The following SAMD3 variants were observed in gnomAD, a reference collection of about 807,000 sequenced individuals.
SAMD3 encodes sterile alpha motif domain-containing protein 3.
SAMD3 carries 63 observed loss-of-function variants against 58.5 expected under a neutral mutation model. That is an observed-to-expected ratio of 1.08 (90% CI 0.88 to 1.33). SAMD3 has a LOEUF of 1.33. Among genes scored for constraint, SAMD3 ranks in the 40% most tolerant of loss-of-function variants. The pLI, the probability that SAMD3 is intolerant of heterozygous loss-of-function variation, is 0.00. For missense variants in SAMD3, 604 were observed against 608.4 expected (o/e 0.99, Z 0.08); for synonymous variants, 220 against 210.3 (o/e 1.05, Z -0.40).
chr6:130,170,943 T>C (rs1218900913), intron 8 of SAMD3, among the ~76,000 whole-genome samples: 1 of 152,226 alleles, frequency 6.6e-6, no homozygotes, highest in Non-Finnish European at 1.5e-5. Flanking sequence ...TTCTTTCTCT[T>C]GCCTGACTGC....
chr6:130,344,640 T>C (rs1304372306), intron 1 of SAMD3, among the ~76,000 whole-genome samples: 1 of 151,910 alleles, frequency 6.6e-6, no homozygotes, highest in East Asian at 1.9e-4. Flanking sequence ...TCTCAGCCTC[T>C]CAAAGTGCTG....
chr6:130,328,584 G>C (rs1485999127), intron 1 of SAMD3, among the ~76,000 whole-genome samples: 2 of 152,246 alleles, frequency 1.3e-5, no homozygotes, highest in East Asian at 3.9e-4. Flanking sequence ...TACACATGAG[G>C]TCAACCCAAA....
intron 2 of SAMD3, among the ~76,000 whole-genome samples, chr6:130,291,047 T>A (rs571254496): frequency 6.6e-6 from 1 of 152,272 alleles, no homozygotes; most frequent in East Asian, 1.9e-4. Context: ...TGATGTGTGG[T>A]TCACAAAATA....
intron 4 of SAMD3, among the ~76,000 whole-genome samples, chr6:130,211,755 C>T (rs1795591737): frequency 6.6e-6 from 1 of 151,890 alleles, no homozygotes; most frequent in African/African-American, 2.4e-5. Context: ...TCATCAGGAC[C>T]TCCTGAAGCT....
intron 2 of SAMD3, among the ~76,000 whole-genome samples, chr6:130,230,332 C>T (rs1796507954): frequency 6.6e-6 from 1 of 152,158 alleles, no homozygotes; most frequent in Non-Finnish European, 1.5e-5. Context: ...ATGCCCAGAA[C>T]ATGGTGGTCC....
chr6:130,170,935 C>G (rs967935783), intron 8 of SAMD3, among the ~76,000 whole-genome samples: 1 of 152,148 alleles, frequency 6.6e-6, no homozygotes, highest in African/African-American at 2.4e-5. Flanking sequence ...CTCTTTATTT[C>G]TTTCTCTTGC....
At chr6:130,250,831 T>C (rs1379991352) in intron 2 of SAMD3, among the ~76,000 whole-genome samples, 1 of 152,226 alleles carries the variant, frequency 6.6e-6, no homozygotes, top group Non-Finnish European at 1.5e-5. Context: ...TTTGTTTATA[T>C]CCATTTATCT....
intron 5 of SAMD3, among the ~76,000 whole-genome samples, chr6:130,207,661 C>T (rs1488052034): frequency 6.6e-6 from 1 of 152,178 alleles, no homozygotes; most frequent in Non-Finnish European, 1.5e-5. Context: ...AAAGAAGCCA[C>T]CTTACAAATG....
chr6:130,152,476 A>C (rs1024937244), intron 9 of SAMD3, among the ~76,000 whole-genome samples: 1 of 152,110 alleles, frequency 6.6e-6, no homozygotes, highest in Non-Finnish European at 1.5e-5. Context: ...CAGGAGTTCA[A>C]GACCAGCCTG....
At chr6:130,225,147 G>A (rs78731260), upstream of SAMD3, among the ~76,000 whole-genome samples, 16,405 of 152,150 alleles carry the variant, frequency 0.11, 1,093 homozygotes, top group East Asian at 0.29. Context: ...TGATTAACAA[G>A]TAAAAAATAA....
intron 4 of SAMD3, among the ~76,000 whole-genome samples, chr6:130,210,655 A>G (rs1419671281): frequency 6.6e-6 from 1 of 151,870 alleles, no homozygotes; most frequent in African/African-American, 2.4e-5. Context: ...GCCCCCAACC[A>G]TTTGAATGGA....
intron 8 of SAMD3, among the ~76,000 whole-genome samples, chr6:130,163,727 T>C (rs1447339002): frequency 1.3e-5 from 2 of 152,190 alleles, no homozygotes; most frequent in Admixed American, 6.5e-5. Flanking sequence ...ATGCAATAAA[T>C]CATTATGTGT....
At chr6:130,302,928 G>T (rs1562509555) in intron 2 of SAMD3, among the ~76,000 whole-genome samples, 1 of 152,160 alleles carries the variant, frequency 6.6e-6, no homozygotes, top group Non-Finnish European at 1.5e-5. Context: ...TAAAATTTGA[G>T]GGGGCAAGGG....
At chr6:130,149,803 A>C (rs138901842) in intron 9 of SAMD3, among the ~76,000 whole-genome samples, 1 of 151,980 alleles carries the variant, frequency 6.6e-6, no homozygotes, top group Admixed American at 6.6e-5. Flanking sequence ...TGTACACCAA[A>C]CCCCCACGAC....
chr6:130,217,408 A>G (rs1245947105), intron 1 of SAMD3, among the ~76,000 whole-genome samples: 1 of 152,258 alleles, frequency 6.6e-6, no homozygotes, highest in Non-Finnish European at 1.5e-5. Context: ...GAATAGTGGT[A>G]TCATTTTTAA....
At chr6:130,148,181 T>C (rs1341338265) in intron 9 of SAMD3, among the ~76,000 whole-genome samples, 4 of 152,244 alleles carry the variant, frequency 2.6e-5, no homozygotes, top group African/African-American at 9.6e-5. Context: ...GTGACTTTTC[T>C]AATTCCTTTC....
Position 130,298,980 on chromosome 6 carries a change from A to G in SAMD3, c.-188+13998T>C, listed in dbSNP as rs149502079. ...TATAAAACAAATTCTACTAGACCTA[A>G]AGAGAAAGATAGACAGTGATCCAAT... On this transcript the variant is annotated intron_variant, in intron 2 of 13. Transcript: ENST00000368134. Among the ~76,000 whole-genome samples, 20 of 152,274 alleles carry G rather than the reference A, an allele frequency of 1.3e-4. No individual in the cohort carries two copies. In the East Asian group the frequency reaches 3.1e-3, roughly 23 times the overall value.
At chr6:130,262,306 T>TAA (rs200725382) in intron 2 of SAMD3, among the ~76,000 whole-genome samples, 34 of 142,734 alleles carry the variant, frequency 2.4e-4, no homozygotes, top group African/African-American at 8.5e-4. Context: ...AGAAAAAAAG[T>TAA]AAGAAAAAAA....
chr6:130,174,028 C>T (rs542658724), intron 8 of SAMD3, among the ~76,000 whole-genome samples: 1 of 152,226 alleles, frequency 6.6e-6, no homozygotes, highest in Non-Finnish European at 1.5e-5. Context: ...GCCCTCCCCC[C>T]ACCAAGCTCG....
Sources: gnomAD v4.1 joint callset for allele counts (sites outside exome capture counted in the v4.1 genomes callset) on GRCh38, gnomAD v4.1.1 for gene constraint, MANE v1.5 for transcripts, NCBI Gene and HGNC (gene_info 2026-07-23, HGNC 2026-07-21) for gene names.